RFC1: variants seen among roughly 807,000 people sequenced by gnomAD.
RFC1 encodes the protein A1 140 kDa subunit.
RFC1 carries 37 observed loss-of-function variants against 137.4 expected under a neutral mutation model. The observed-to-expected ratio is 0.27, with a 90% CI of 0.21 to 0.35. The LOEUF (loss-of-function observed/expected upper bound fraction) is 0.35, where lower values mean the gene tolerates loss of function less well. RFC1 is among the 10% of genes least tolerant of loss of function. The pLI, the probability that RFC1 is intolerant of heterozygous loss-of-function variation, is 1.00. For missense variants in RFC1, 1,205 were observed against 1,358.5 expected, an observed-to-expected ratio of 0.89 and a Z score of 1.78; for synonymous variants, 429 against 455.7, an observed-to-expected ratio of 0.94 and a Z score of 0.75.
rs984282796 is a variant in RFC1, at chr4:39,288,529, T to C, written c.*232A>G. 5.2e-6 allele frequency: 2 copies of C among 387,544 alleles called. No homozygotes were observed. Among genetic ancestry groups the C allele is most frequent in the Non-Finnish European group, 9.2e-6 (2 of 216,832 alleles). 24.0% of individuals were successfully genotyped at this position (387,544 alleles called of 1,614,324 possible). A position where few individuals can be genotyped will look rare whatever the true frequency, so the allele number is the denominator to read the frequency against. ...TCATTCAGAAGCACGTCTAACTAGA[T>C]TGACAGAGGACAGTGGAGGACCCAA... On this transcript the variant is annotated 3_prime_UTR_variant, in exon 25 of 25. Coordinates refer to ENST00000349703, the MANE Select transcript of RFC1 (RefSeq NM_002913.5).
In RFC1 at chr4:39,337,656, C is replaced by T. The variant is rs1283303654; in HGVS notation, c.331+4689G>A. Reference sequence around the variant, plus strand: ...ACCTTTATCACTCTAGGTTTCCCTGCAAACATCTAAGAGAAGCTCTCTATC... The same window carrying T: ...ACCTTTATCACTCTAGGTTTCCCTGTAAACATCTAAGAGAAGCTCTCTATC... On this transcript the variant is annotated intron_variant, in intron 4 of 24. Transcript: ENST00000349703. 2.0e-5 allele frequency among the ~76,000 whole-genome samples: 3 copies of T among 152,066 alleles called. No individual in the cohort carries two copies. The South Asian group carries it at 6.2e-4, about 32-fold the overall frequency.
At chr4:39,364,100 AAAG>A (rs1257152123) in intron 1 of RFC1, among the ~76,000 whole-genome samples, 19 of 135,180 alleles carry the variant, frequency 1.4e-4, no homozygotes, top group Admixed American at 1.1e-3. Flanking sequence ...AAAAAAAAAA[AAAG>A]AAGAAGAAGA....
At chr4:39,303,548 G>C (rs910077993) in intron 15 of RFC1, among the ~76,000 whole-genome samples, 13 of 152,158 alleles carry the variant, frequency 8.5e-5, no homozygotes, top group Non-Finnish European at 1.5e-4. Context: ...CCGCCTCCCG[G>C]GTTCAAGCAA....
rs1001879874 is a variant in RFC1 at position 39,332,682 on chromosome 4, G to A, written c.332-4926C>T. ...TCCACCTACTTTCCTTAATCTATCC[G>A]CTGAACAGGGAGAAAAAGTTTATCT... On this transcript the variant is annotated intron_variant, in intron 4 of 24. Coordinates refer to ENST00000349703, the MANE Select transcript of RFC1 (RefSeq NM_002913.5). Among the ~76,000 whole-genome samples the A allele has an allele frequency of 3.9e-5, 6 of 151,982 alleles. 1 individual carries two copies. The highest frequency in any genetic ancestry group is 2.6e-4 in the Admixed American group (4 of 15,256).
Position 39,309,051 on chromosome 4 carries a change from G to T in RFC1, c.1489-19C>A. The T allele has an allele frequency of 1.3e-6, 2 of 1,567,820 alleles. No individual in the cohort carries two copies. ...TCTTCATCTTAAGAAGTGGAAAAAT[G>T]AGGAAAAAAGAAACCTGATGAAACA... On this transcript the variant is annotated intron_variant, in intron 12 of 24. Coordinates refer to ENST00000349703, the MANE Select transcript of RFC1 (RefSeq NM_002913.5).
At chr4:39,340,365 TAC>T (rs1740554781) in intron 4 of RFC1, among the ~76,000 whole-genome samples, 1 of 152,212 alleles carries the variant, frequency 6.6e-6, no homozygotes, top group African/African-American at 2.4e-5. Context: ...AGACAATCAA[TAC>T]AGTTTTAGAT....
chr4:39,306,218 CAT>C (rs1274852554), intron 14 of RFC1, among the ~76,000 whole-genome samples: 1 of 152,186 alleles, frequency 6.6e-6, no homozygotes, highest in African/African-American at 2.4e-5. Context: ...TCATTTGACA[CAT>C]GTGGATGATG....
intron 1 of RFC1, chr4:39,356,094 A>C (rs1334509209): frequency 6.6e-6 from 1 of 151,086 alleles, no homozygotes; most frequent in Non-Finnish European, 1.5e-5. Flanking sequence ...TTTGCCCAGT[A>C]ATTTCATTTC....
intron 1 of RFC1, among the ~76,000 whole-genome samples, chr4:39,356,334 G>A (rs1043832711): frequency 1.6e-4 from 25 of 152,064 alleles, no homozygotes; most frequent in African/African-American, 6.0e-4. Context: ...GGGAAGTGGA[G>A]GGTGCAGTGG....
chr4:39,361,395 A>C (rs1193959685), intron 1 of RFC1, among the ~76,000 whole-genome samples: 2 of 152,092 alleles, frequency 1.3e-5, no homozygotes, highest in Non-Finnish European at 2.9e-5. Context: ...TCAATCAATC[A>C]ATCAATCAAT....
In RFC1 at chr4:39,301,178, G is replaced by A. The variant is rs138590923; in HGVS notation, c.2536-764C>T. 2.7e-4 allele frequency among the ~76,000 whole-genome samples: 41 copies of A among 152,186 alleles called. No individual in the cohort carries two copies. In the East Asian group the frequency reaches 7.3e-3, roughly 27 times the overall value. On this transcript the variant is annotated intron_variant, in intron 19 of 24. Transcript: ENST00000349703. Reference sequence around the variant, plus strand: ...ATTACTACGTGAAAAAAGCCAACTGGAAAAGTCCACATACTACATGATTCC... The same window carrying A: ...ATTACTACGTGAAAAAAGCCAACTGAAAAAGTCCACATACTACATGATTCC...
chr4:39,327,450 T>A (rs934904420), intron 5 of RFC1, 74 bp downstream of exon 5: 2 of 850,560 alleles, frequency 2.4e-6, no homozygotes, highest in African/African-American at 3.5e-5. Flanking sequence ...ATTTACTACA[T>A]CCTAGTTTCT....
intron 12 of RFC1, among the ~76,000 whole-genome samples, chr4:39,309,858 C>G (rs150153867): frequency 6.6e-6 from 1 of 152,252 alleles, no homozygotes; most frequent in East Asian, 1.9e-4. Flanking sequence ...GCCTCTTTAG[C>G]AGTGGATGCT....
intron 4 of RFC1, among the ~76,000 whole-genome samples, chr4:39,332,064 C>G (rs1039678388): frequency 6.6e-6 from 1 of 152,154 alleles, no homozygotes; most frequent in Non-Finnish European, 1.5e-5. Context: ...TCTTGTCTGC[C>G]GACACTTGAG....
chr4:39,308,969 T>A lies in RFC1; in HGVS notation c.1552A>T (p.Ser518Cys). 6.2e-7 allele frequency: 1 copy of A among 1,612,878 alleles called. No homozygotes were observed. Among genetic ancestry groups the A allele is most frequent in the Non-Finnish European group, 8.5e-7 (1 of 1,179,850 alleles). ...QKNVQGKRKI[S>C]PSKKESESKK... Reference sequence around the variant, plus strand: ...GATTCTGATTCCTTTTTAGATGGACTAATTTTTCTTTTTCCTTGGACATTT... The same window carrying A: ...GATTCTGATTCCTTTTTAGATGGACAAATTTTTCTTTTTCCTTGGACATTT... Residue 518 changes from serine (S) to cysteine (C), a missense_variant, in exon 13 of 25, where the codon AGT becomes TGT. By Grantham distance (112) the Ser-to-Cys change is moderately radical (BLOSUM62 -1). Transcript: ENST00000349703.
At chr4:39,365,320 C>CCT in intron 1 of RFC1, 1 of 324,512 alleles carries the variant, frequency 3.1e-6, no homozygotes, top group Non-Finnish European at 4.4e-6. Context: ...TCACCGCCCC[C>CCT]CCCCAGAATG....
intron 24 of RFC1, among the ~76,000 whole-genome samples, chr4:39,289,220 G>A (rs1441787935): frequency 2.0e-5 from 3 of 152,222 alleles, no homozygotes; most frequent in East Asian, 1.9e-4. Flanking sequence ...GATTAGAGGT[G>A]TAAACAGTCA....
At chr4:39,301,537 T>C (rs1342881995) in intron 19 of RFC1, among the ~76,000 whole-genome samples, 5 of 152,158 alleles carry the variant, frequency 3.3e-5, no homozygotes, top group Non-Finnish European at 5.9e-5. Context: ...GAGGGGGACA[T>C]GAAGTATGTG....
At chr4:39,296,423 C>T (rs1738010446) in intron 21 of RFC1, among the ~76,000 whole-genome samples, 1 of 99,448 alleles carries the variant, frequency 1.0e-5, no homozygotes, top group African/African-American at 3.9e-5. Flanking sequence ...CCACCACAGT[C>T]CCCAGAGTGT....
Sources: allele counts gnomAD v4.1 joint callset (sites outside exome capture counted in the v4.1 genomes callset), GRCh38; gene constraint gnomAD v4.1.1; transcripts MANE v1.5; gene names NCBI Gene and HGNC (gene_info 2026-07-23, HGNC 2026-07-21).